CPNE4: variants seen among roughly 807,000 people sequenced by gnomAD.
CPNE4 encodes the protein copine 4.
Under a neutral mutation model 67.9 loss-of-function variants are expected in CPNE4, and 25 were observed. That is an observed-to-expected ratio of 0.37 (90% CI 0.27 to 0.51). The LOEUF is 0.51. CPNE4 is among the 20% of genes least tolerant of loss of function. The pLI, the probability that CPNE4 is intolerant of heterozygous loss-of-function variation, is 0.93. For missense variants in CPNE4, 464 were observed against 690.8 expected (o/e 0.67, Z 3.68); for synonymous variants, 242 against 244.9 (o/e 0.99, Z 0.11).
chr3:131,957,440 C>T (rs1477443902), intron 1 of CPNE4, among the ~76,000 whole-genome samples: 1 of 152,186 alleles, frequency 6.6e-6, no homozygotes, highest in Non-Finnish European at 1.5e-5. Flanking sequence ...TGCACAGAGC[C>T]TTTTGCTATC....
rs1294301759 is a variant in CPNE4, at chr3:131,790,598, T to C, written c.181-66973A>G. Among the ~76,000 whole-genome samples, 3 of 152,302 alleles carry C rather than the reference T, an allele frequency of 2.0e-5. No homozygotes were observed. In the East Asian group the frequency reaches 5.8e-4, roughly 29 times the overall value. On this transcript the variant is annotated intron_variant, in intron 2 of 15. Coordinates refer to ENST00000429747, the MANE Select transcript of CPNE4 (RefSeq NM_130808.3). ...AATCCTGCCCTTCTTTTCTTCACCC[T>C]GTGAATTCCTGCTTGTCTTCTGAGA...
intron 7 of CPNE4, among the ~76,000 whole-genome samples, chr3:131,630,087 A>AG (rs1391134082): frequency 1.3e-5 from 2 of 152,222 alleles, no homozygotes; most frequent in African/African-American, 4.8e-5. Context: ...GCCAGAAAAA[A>AG]GCAGTTTGTA....
intron 7 of CPNE4, among the ~76,000 whole-genome samples, chr3:131,623,269 A>G (rs993697901): frequency 6.6e-6 from 1 of 152,086 alleles, no homozygotes; most frequent in Non-Finnish European, 1.5e-5. Context: ...ATGCAACAAG[A>G]CAGATGGAGT....
intron 7 of CPNE4, among the ~76,000 whole-genome samples, chr3:131,640,821 A>G (rs1163618372): frequency 1.3e-5 from 2 of 152,220 alleles, no homozygotes; most frequent in African/African-American, 4.8e-5. Context: ...AAATAGGCAC[A>G]TAGACACATG....
At chr3:131,674,896 A>G (rs368805372) in intron 6 of CPNE4, among the ~76,000 whole-genome samples, 1 of 151,588 alleles carries the variant, frequency 6.6e-6, no homozygotes, top group African/African-American at 2.4e-5. Context: ...TTTGAGATAC[A>G]TTTTAGGTTG....
At chr3:131,654,909 C>T (rs1457875468) in intron 7 of CPNE4, among the ~76,000 whole-genome samples, 1 of 152,166 alleles carries the variant, frequency 6.6e-6, no homozygotes, top group Admixed American at 6.5e-5. Flanking sequence ...TAGAATTATC[C>T]AACTCCAAAT....
intron 6 of CPNE4, among the ~76,000 whole-genome samples, chr3:131,674,234 T>C (rs2080500984): frequency 6.6e-6 from 1 of 152,104 alleles, no homozygotes; most frequent in Admixed American, 6.6e-5. Context: ...CAATGAGGAT[T>C]TTTGTATCAA....
At chr3:131,727,361 G>A (rs955865010) in intron 2 of CPNE4, among the ~76,000 whole-genome samples, 2 of 152,014 alleles carry the variant, frequency 1.3e-5, no homozygotes, top group Admixed American at 6.5e-5. Flanking sequence ...TTTGGAGGCC[G>A]AGGAGGGTGG....
intron 7 of CPNE4, among the ~76,000 whole-genome samples, chr3:131,603,023 A>ATT (rs1939293366): frequency 6.6e-6 from 1 of 151,940 alleles, no homozygotes; most frequent in Non-Finnish European, 1.5e-5. Flanking sequence ...AATTATAAGT[A>ATT]TCTCTCCTTT....
At chr3:131,547,124 A>T (rs1490777179) in intron 14 of CPNE4, among the ~76,000 whole-genome samples, 2 of 152,076 alleles carry the variant, frequency 1.3e-5, no homozygotes, top group Non-Finnish European at 2.9e-5. Context: ...TGCAGGGCCC[A>T]CGCACTGGTG....
intron 2 of CPNE4, among the ~76,000 whole-genome samples, chr3:131,880,127 T>G (rs1382043502): frequency 1.8e-5 from 2 of 112,380 alleles, no homozygotes; most frequent in Admixed American, 1.2e-4. Context: ...TATATATATA[T>G]ACATATTTTT....
At chr3:131,846,296 T>C (rs2085994277) in intron 2 of CPNE4, among the ~76,000 whole-genome samples, 1 of 152,236 alleles carries the variant, frequency 6.6e-6, no homozygotes, top group South Asian at 2.1e-4. Context: ...GTTCGTTTAG[T>C]ACAGATCCTC....
At chr3:131,970,682 C>G (rs1465077165) in intron 1 of CPNE4, among the ~76,000 whole-genome samples, 1 of 152,136 alleles carries the variant, frequency 6.6e-6, no homozygotes, top group Non-Finnish European at 1.5e-5. Context: ...TTCCATATAT[C>G]AAAATACCTC....
intron 2 of CPNE4, among the ~76,000 whole-genome samples, chr3:131,891,740 C>T (rs1216341628): frequency 6.6e-6 from 1 of 152,038 alleles, no homozygotes; most frequent in Non-Finnish European, 1.5e-5. Flanking sequence ...CACGCTTCTG[C>T]AAAGGACATA....
chr3:131,792,248 T>G (rs1222405963), intron 2 of CPNE4, among the ~76,000 whole-genome samples: 3 of 152,088 alleles, frequency 2.0e-5, no homozygotes, highest in Non-Finnish European at 2.9e-5. Context: ...TTATATATAA[T>G]AAATTCTTTA....
chr3:131,952,776 C>A (rs1460731016), intron 1 of CPNE4, among the ~76,000 whole-genome samples: 1 of 151,984 alleles, frequency 6.6e-6, no homozygotes, highest in Non-Finnish European at 1.5e-5. Flanking sequence ...CCAGGATGAC[C>A]ATGGCGGTTT....
At chr3:131,776,209 G>A (rs898801479) in intron 2 of CPNE4, among the ~76,000 whole-genome samples, 1 of 137,094 alleles carries the variant, frequency 7.3e-6, no homozygotes, top group South Asian at 2.3e-4. Context: ...TACTCAGTTG[G>A]TGGTGGTATA....
intron 2 of CPNE4, among the ~76,000 whole-genome samples, chr3:131,746,902 T>C (rs2082503902): frequency 6.6e-6 from 1 of 152,164 alleles, no homozygotes; most frequent in African/African-American, 2.4e-5. Flanking sequence ...TGTATAAGGG[T>C]TTCCTTTCCT....
At chr3:131,716,943 C>T (rs112079386) in intron 3 of CPNE4, among the ~76,000 whole-genome samples, 4,412 of 152,316 alleles carry the variant, frequency 0.029, 82 homozygotes, top group Middle Eastern at 0.044. Context: ...CTGCCCTGCC[C>T]GGGGGTGCCC....
Sources: gnomAD v4.1 joint callset for allele counts (sites outside exome capture counted in the v4.1 genomes callset) on GRCh38, gnomAD v4.1.1 for gene constraint, MANE v1.5 for transcripts, NCBI Gene and HGNC (gene_info 2026-07-23, HGNC 2026-07-21) for gene names.